Variants in NRP2 observed in about 807,000 individuals in gnomAD.
NRP2 encodes neuropilin-2.
A neutral mutation model predicts 110.4 loss-of-function variants in NRP2; 52 were observed. That is an observed-to-expected ratio of 0.47 (90% CI 0.38 to 0.59). The LOEUF (loss-of-function observed/expected upper bound fraction) is 0.59, where lower values mean the gene tolerates loss of function less well. Ranked by LOEUF, NRP2 falls within the 20% of genes least tolerant of loss-of-function variation. NRP2 has a pLI of 0.00. For synonymous variants in NRP2, 508 were observed against 468.9 expected, an observed-to-expected ratio of 1.08 and a Z score of -1.08; for missense variants, 1,049 against 1,203.0, an observed-to-expected ratio of 0.87 and a Z score of 1.89.
In NRP2 at chr2:205,763,702, T is replaced by C; in HGVS notation, c.2073T>C (p.Ser691=). Residue 691 remains serine (S), a synonymous_variant, in exon 13 of 17, where the codon AGT becomes AGC. Coordinates refer to ENST00000357785, the MANE Select transcript of NRP2 (RefSeq NM_003872.3). The surrounding 1 kb of genome is among the most constrained non-coding windows in gnomAD (Gnocchi z 4.0). ...PDDRNFLRLQ[S]DSQREGQYAR... ...ACAGGAATTTCTTGCGGCTGCAGAGTGACAGCCAGAGAGAGGGCCAGTATG... is the reference window on the plus strand; with the variant it reads ...ACAGGAATTTCTTGCGGCTGCAGAGCGACAGCCAGAGAGAGGGCCAGTATG... The C allele has an allele frequency of 1.2e-6, 2 of 1,614,142 alleles. No individual in the cohort carries two copies. Among genetic ancestry groups the C allele is most frequent in the South Asian group, 2.2e-5 (2 of 91,078 alleles).
At chr2:205,743,949 G>A (rs532507622) in intron 9 of NRP2, among the ~76,000 whole-genome samples, 1 of 152,204 alleles carries the variant, frequency 6.6e-6, no homozygotes, top group East Asian at 1.9e-4. Flanking sequence ...TCACCGTATT[G>A]GTCAGGCTGG....
At chr2:205,730,924 G>A (rs1453072292) in intron 7 of NRP2, among the ~76,000 whole-genome samples, 1 of 152,210 alleles carries the variant, frequency 6.6e-6, no homozygotes, top group African/African-American at 2.4e-5. Context: ...CCCCTAGCCA[G>A]GCAGCAGCCT....
intron 2 of NRP2, among the ~76,000 whole-genome samples, chr2:205,704,156 G>A (rs1189579597): frequency 1.3e-5 from 2 of 152,180 alleles, no homozygotes; most frequent in Non-Finnish European, 2.9e-5. Flanking sequence ...TAACACTTCA[G>A]ATTAAGCTCC....
chr2:205,685,525 C>G (rs570067383), intron 1 of NRP2, among the ~76,000 whole-genome samples: 2 of 152,214 alleles, frequency 1.3e-5, no homozygotes, highest in African/African-American at 2.4e-5. Flanking sequence ...GCAGAAGGTG[C>G]GCGCGGGGGA....
At chr2:205,793,689 TC>T (rs35352108) in intron 16 of NRP2, among the ~76,000 whole-genome samples, 1 of 152,184 alleles carries the variant, frequency 6.6e-6, no homozygotes, top group Admixed American at 6.5e-5. Flanking sequence ...TCTCAGAATT[TC>T]CCCTTTTTCT....
intron 2 of NRP2, among the ~76,000 whole-genome samples, chr2:205,715,898 A>G (rs536341201): frequency 6.6e-6 from 1 of 152,342 alleles, no homozygotes; most frequent in East Asian, 1.9e-4. Flanking sequence ...GTGCTATTGA[A>G]GGAAGAAAAA....
At chr2:205,790,880 TG>T (rs1468078649) in intron 15 of NRP2, among the ~76,000 whole-genome samples, 19 of 152,204 alleles carry the variant, frequency 1.2e-4, no homozygotes, top group African/African-American at 4.3e-4. Context: ...ATGCAAGGAA[TG>T]GGCTGGAGTT....
intron 7 of NRP2, among the ~76,000 whole-genome samples, chr2:205,732,384 G>A (rs2057257014): frequency 6.6e-6 from 1 of 152,230 alleles, no homozygotes; most frequent in Admixed American, 6.5e-5. Flanking sequence ...TGGGAGGAGA[G>A]AAAGAGTGGT....
intron 3 of NRP2, among the ~76,000 whole-genome samples, chr2:205,720,262 C>CTTTTTTTTTT (rs202203741): frequency 6.2e-5 from 8 of 129,168 alleles, no homozygotes; most frequent in East Asian, 2.7e-4. Flanking sequence ...TTTTTTCTTT[C>CTTTTTTTTTT]TTTTTTTTTT....
intron 3 of NRP2, among the ~76,000 whole-genome samples, chr2:205,717,320 G>A (rs1262749604): frequency 6.6e-6 from 1 of 152,174 alleles, no homozygotes; most frequent in Admixed American, 6.5e-5. Flanking sequence ...CTCGTGGATG[G>A]AGTCTGGTTC....
intron 2 of NRP2, among the ~76,000 whole-genome samples, chr2:205,701,936 T>A (rs981999453): frequency 1.3e-5 from 2 of 152,252 alleles, no homozygotes; most frequent in African/African-American, 2.4e-5. Flanking sequence ...AATTCTAAGC[T>A]TCACTTTTGT....
intron 14 of NRP2, 135 bp from the exon 15 acceptor site, chr2:205,766,648 G>A (rs1278561297): frequency 6.6e-6 from 5 of 757,292 alleles, no homozygotes; most frequent in Admixed American, 2.0e-5. Flanking sequence ...AAGATGGGGG[G>A]CCCTCTCCAT....
intron 2 of NRP2, among the ~76,000 whole-genome samples, chr2:205,707,274 A>G (rs892201004): frequency 6.6e-6 from 1 of 152,264 alleles, no homozygotes; most frequent in Admixed American, 6.5e-5. Context: ...TCGAAAGCAT[A>G]GTCACAAACG....
At chr2:205,705,557 A>G (rs1007033603) in intron 2 of NRP2, among the ~76,000 whole-genome samples, 1 of 152,168 alleles carries the variant, frequency 6.6e-6, no homozygotes. Flanking sequence ...ACTCAACTGT[A>G]TGTTTGTGGG....
chr2:205,730,547 G>A (rs2057217912), intron 7 of NRP2, among the ~76,000 whole-genome samples: 1 of 152,150 alleles, frequency 6.6e-6, no homozygotes, highest in African/African-American at 2.4e-5. Context: ...AAGCAGAGAT[G>A]AAGGCAACCG....
At chr2:205,727,815 G>C in intron 6 of NRP2, 76 bp from the exon 7 acceptor site, 3 of 1,452,072 alleles carry the variant, frequency 2.1e-6, no homozygotes, top group Non-Finnish European at 2.8e-6. Flanking sequence ...TCTAATGATT[G>C]TGTCCTTTGG....
rs758549230 is a variant in NRP2 at position 205,716,238 on chromosome 2, C to G, written c.297C>G (p.Asp99Glu). 6.2e-7 allele frequency: 1 copy of G among 1,614,216 alleles called. No individual in the cohort carries two copies. Among genetic ancestry groups the G allele is most frequent in the Non-Finnish European group, 8.5e-7 (1 of 1,180,046 alleles). Residue 99 changes from aspartate to glutamate, a missense_variant, in exon 3 of 17, where the codon GAC becomes GAG. Transcript: ENST00000357785. ...GGGATGGGGACAGTGAATCCGCAGA[C>G]CTCCTGGGCAAACACTGTGGGAACA... ...EIRDGDSESADLLGKHCGNIA... is the reference protein window; with the variant it reads ...EIRDGDSESAELLGKHCGNIA...
intron 2 of NRP2, among the ~76,000 whole-genome samples, chr2:205,712,381 G>A (rs2056815758): frequency 1.3e-5 from 2 of 152,140 alleles, no homozygotes; most frequent in South Asian, 4.1e-4. Context: ...TCTGGAAAAC[G>A]AGTGATACGT....
intron 16 of NRP2, among the ~76,000 whole-genome samples, chr2:205,792,519 T>C (rs2058313174): frequency 6.6e-6 from 1 of 152,226 alleles, no homozygotes; most frequent in African/African-American, 2.4e-5. Flanking sequence ...GATCCCCTCT[T>C]TCCAGTAACT....
Sources: allele counts gnomAD v4.1 joint callset (sites outside exome capture counted in the v4.1 genomes callset), GRCh38; gene constraint gnomAD v4.1.1; non-coding constraint Gnocchi (gnomAD v3.1); transcripts MANE v1.5; gene names NCBI Gene and HGNC (gene_info 2026-07-23, HGNC 2026-07-21).